The following CALN1 variants were observed in gnomAD, a reference collection of about 807,000 sequenced individuals.
CALN1 encodes calcium-binding protein 8.
A neutral mutation model predicts 30.6 loss-of-function variants in CALN1; 17 were observed. That is an observed-to-expected ratio of 0.56 (90% CI 0.38 to 0.83). The LOEUF is 0.83. CALN1 is among the 40% of genes least tolerant of loss of function. The pLI, the probability that CALN1 is intolerant of heterozygous loss-of-function variation, is 0.00. For missense variants in CALN1, 291 were observed against 354.9 expected, an observed-to-expected ratio of 0.82 and a Z score of 1.45; for synonymous variants, 156 against 131.4, an observed-to-expected ratio of 1.19 and a Z score of -1.28.
intron 5 of CALN1, among the ~76,000 whole-genome samples, chr7:71,820,196 T>C (rs1274171271): frequency 6.6e-6 from 1 of 152,190 alleles, no homozygotes; most frequent in East Asian, 1.9e-4. Context: ...TTCCTTTTGA[T>C]TGATTCCAAG....
intron 3 of CALN1, among the ~76,000 whole-genome samples, chr7:72,199,237 T>C (rs972758241): frequency 6.6e-6 from 1 of 152,182 alleles, no homozygotes; most frequent in Non-Finnish European, 1.5e-5. Context: ...ATTGCACCAC[T>C]GCACTCCAGC....
rs938735217 is a variant in CALN1, at chr7:71,786,910, T to G, written c.*865A>C. ...TGTGGGAGGGAGGACAAGCTTATAT[T>G]AGGTGTAAGCGATTAGGGAAGAATG... is the stretch of plus-strand genomic sequence containing the variant. On this transcript the variant is annotated 3_prime_UTR_variant, in exon 7 of 7. Coordinates refer to ENST00000395275, the MANE Select transcript of CALN1 (RefSeq NM_031468.4). 2 of 152,568 alleles carry G rather than the reference T, an allele frequency of 1.3e-5. No homozygotes were observed. The highest frequency in any genetic ancestry group is 2.1e-4 in the South Asian group (1 of 4,822). The allele number at this position is 152,568 out of a possible 1,614,324, so 9.5% of individuals were successfully genotyped here.
chr7:71,985,912 A>T (rs1798648084), intron 5 of CALN1, among the ~76,000 whole-genome samples: 1 of 152,036 alleles, frequency 6.6e-6, no homozygotes, highest in Non-Finnish European at 1.5e-5. Context: ...TTCAATAGCA[A>T]CATGACTTGT....
intron 5 of CALN1, among the ~76,000 whole-genome samples, chr7:71,862,113 T>C (rs1239557705): frequency 6.6e-6 from 1 of 152,240 alleles, no homozygotes; most frequent in Non-Finnish European, 1.5e-5. Flanking sequence ...CCGAGCCTAA[T>C]TCTCAGGAAC....
At chr7:72,337,091 T>A in intron 2 of CALN1, 1 of 985,756 alleles carries the variant, frequency 1.0e-6, no homozygotes. Context: ...TCAGCCCATG[T>A]GCGCGGCTGC....
At chr7:72,065,885 C>T (rs1285097447) in intron 4 of CALN1, among the ~76,000 whole-genome samples, 4 of 152,008 alleles carry the variant, frequency 2.6e-5, no homozygotes, top group Admixed American at 2.0e-4. Flanking sequence ...AAGAGCAAAA[C>T]TCCATCTCAA....
chr7:71,918,292 G>A (rs1379485322), intron 5 of CALN1, among the ~76,000 whole-genome samples: 1 of 152,202 alleles, frequency 6.6e-6, no homozygotes, highest in Non-Finnish European at 1.5e-5. Flanking sequence ...CTCTCGAAGA[G>A]TCGTGAGGCA....
chr7:72,165,286 T>C (rs981136599), intron 3 of CALN1, among the ~76,000 whole-genome samples: 1 of 152,094 alleles, frequency 6.6e-6, no homozygotes, highest in African/African-American at 2.4e-5. Flanking sequence ...CGGCCAGGCA[T>C]GGTGACTGGC....
intron 5 of CALN1, among the ~76,000 whole-genome samples, chr7:72,023,444 C>CA (rs1009382370): frequency 8.0e-5 from 12 of 149,556 alleles, no homozygotes; most frequent in Non-Finnish European, 1.2e-4. Context: ...TTCCCTAATG[C>CA]AAAAAAAAAT....
intron 3 of CALN1, among the ~76,000 whole-genome samples, chr7:72,140,356 G>A (rs376500310): frequency 3.1e-5 from 2 of 64,750 alleles, no homozygotes; most frequent in African/African-American, 2.1e-4. Context: ...GGGAGGGAGG[G>A]AGGGAGGGAG....
intron 2 of CALN1, among the ~76,000 whole-genome samples, chr7:72,288,419 A>T (rs1290033803): frequency 6.6e-6 from 1 of 152,168 alleles, no homozygotes; most frequent in Admixed American, 6.5e-5. Flanking sequence ...TGGAAATCAC[A>T]CATCATCACT....
intron 4 of CALN1, among the ~76,000 whole-genome samples, chr7:72,082,256 G>A (rs1805196778): frequency 6.6e-6 from 1 of 152,212 alleles, no homozygotes; most frequent in Non-Finnish European, 1.5e-5. Context: ...AAAGTGTTGG[G>A]ATTACAGGTG....
At chr7:71,977,888 T>C (rs1242085762) in intron 5 of CALN1, among the ~76,000 whole-genome samples, 1 of 147,164 alleles carries the variant, frequency 6.8e-6, no homozygotes. Context: ...GCTGAGATTG[T>C]GCCACTGCAC....
chr7:72,090,731 G>A (rs1805799973), intron 4 of CALN1, among the ~76,000 whole-genome samples: 1 of 152,074 alleles, frequency 6.6e-6, no homozygotes, highest in African/African-American at 2.4e-5. Flanking sequence ...TTTACACAGT[G>A]GAATATTAGC....
At chr7:71,793,586 G>C (rs560500511) in intron 6 of CALN1, among the ~76,000 whole-genome samples, 1 of 152,048 alleles carries the variant, frequency 6.6e-6, no homozygotes, top group Non-Finnish European at 1.5e-5. Context: ...ATCTATCTTT[G>C]TTGGGCTGGG....
intron 1 of CALN1, among the ~76,000 whole-genome samples, chr7:72,437,528 G>GTGTGTGTGTGTGTA (rs1808201196): frequency 6.6e-6 from 1 of 151,370 alleles, no homozygotes; most frequent in Admixed American, 6.6e-5. Flanking sequence ...TGTGTGGAGT[G>GTGTGTGTGTGTGTA]TGTGTGTGTG....
At chr7:72,123,138 C>T (rs1808506469) in intron 3 of CALN1, among the ~76,000 whole-genome samples, 1 of 152,192 alleles carries the variant, frequency 6.6e-6, no homozygotes, top group Admixed American at 6.5e-5. Context: ...GATGGTCACA[C>T]ATTCGCTTGA....
chr7:72,063,910 G>A (rs1368174911), intron 4 of CALN1, among the ~76,000 whole-genome samples: 1 of 152,032 alleles, frequency 6.6e-6, no homozygotes, highest in Non-Finnish European at 1.5e-5. Flanking sequence ...TTTCAGATAA[G>A]GAATACTCAA....
At chr7:72,249,866 G>A (rs1260830200) in intron 3 of CALN1, among the ~76,000 whole-genome samples, 1 of 151,372 alleles carries the variant, frequency 6.6e-6, no homozygotes, top group Non-Finnish European at 1.5e-5. Flanking sequence ...GAACCCAGGA[G>A]GTGGAGGTTG....
Sources: allele counts gnomAD v4.1 joint callset (sites outside exome capture counted in the v4.1 genomes callset), GRCh38; gene constraint gnomAD v4.1.1; transcripts MANE v1.5; gene names NCBI Gene and HGNC (gene_info 2026-07-23, HGNC 2026-07-21).